CDK14: variants seen among roughly 807,000 people sequenced by gnomAD.
CDK14 encodes cyclin-dependent kinase 14.
Under a neutral mutation model 60.7 loss-of-function variants are expected in CDK14, and 34 were observed. The observed-to-expected ratio is 0.56, with a 90% CI of 0.43 to 0.75. The LOEUF (loss-of-function observed/expected upper bound fraction) is 0.75. CDK14 is among the 30% of genes least tolerant of loss of function. The probability of loss-of-function intolerance (pLI) is 0.00; values close to 1 mark genes in which losing one functional copy is unlikely to be tolerated. For synonymous variants in CDK14, 197 were observed against 203.7 expected (o/e 0.97, Z 0.28); for missense variants, 482 against 564.1 (o/e 0.85, Z 1.47).
At chr7:91,106,443 T>C (rs1012747264) in intron 12 of CDK14, among the ~76,000 whole-genome samples, 5 of 152,012 alleles carry the variant, frequency 3.3e-5, no homozygotes, top group African/African-American at 9.7e-5. Context: ...AAAAAAATAA[T>C]CTGGGAGGGA....
intron 10 of CDK14, among the ~76,000 whole-genome samples, chr7:91,029,990 C>G (rs1285473054): frequency 6.6e-6 from 1 of 152,146 alleles, no homozygotes; most frequent in African/African-American, 2.4e-5. Context: ...CTTGTGGCCC[C>G]AGAGAGTATG....
At chr7:90,957,874 T>A (rs951258384) in intron 9 of CDK14, among the ~76,000 whole-genome samples, 14 of 151,942 alleles carry the variant, frequency 9.2e-5, no homozygotes, top group African/African-American at 3.4e-4. Context: ...TATGGAACCA[T>A]AAAAGAGCCC....
intron 10 of CDK14, among the ~76,000 whole-genome samples, chr7:90,993,337 A>C (rs1224442825): frequency 6.6e-6 from 1 of 152,174 alleles, no homozygotes; most frequent in East Asian, 1.9e-4. Flanking sequence ...TTTACAATCA[A>C]TATTCATATA....
chr7:90,727,300 A>T (rs886674822), intron 3 of CDK14, among the ~76,000 whole-genome samples: 3 of 152,136 alleles, frequency 2.0e-5, no homozygotes, highest in Non-Finnish European at 4.4e-5. Flanking sequence ...GTTCTTTTCC[A>T]GGACAAAGCC....
intron 2 of CDK14, among the ~76,000 whole-genome samples, chr7:90,608,363 G>A (rs532100300): frequency 9.2e-4 from 140 of 152,238 alleles, no homozygotes; most frequent in Non-Finnish European, 1.8e-3. Flanking sequence ...AAATTACCAC[G>A]CGTAAAACCT....
chr7:90,760,121 C>T (rs1373822046), intron 4 of CDK14, among the ~76,000 whole-genome samples: 5 of 152,074 alleles, frequency 3.3e-5, no homozygotes, highest in Admixed American at 1.3e-4. Context: ...ATTAAACGAC[C>T]TTATAAATTG....
chr7:90,805,515 CT>C (rs1788790947), intron 5 of CDK14, among the ~76,000 whole-genome samples: 1 of 151,972 alleles, frequency 6.6e-6, no homozygotes, highest in African/African-American at 2.4e-5. Flanking sequence ...TACAATACCA[CT>C]TATAATCACT....
chr7:90,742,376 G>A (rs1803381904), intron 3 of CDK14, among the ~76,000 whole-genome samples: 1 of 151,934 alleles, frequency 6.6e-6, no homozygotes, highest in Admixed American at 6.5e-5. Flanking sequence ...TGTTCATAGT[G>A]TTCCAGGTTA....
chr7:90,864,017 T>A (rs1254399815), intron 6 of CDK14, among the ~76,000 whole-genome samples: 1 of 152,072 alleles, frequency 6.6e-6, no homozygotes, highest in Non-Finnish European at 1.5e-5. Context: ...ACAAATGACA[T>A]CGGTGCAGAC....
Position 90,670,106 on chromosome 7 carries a change from A to G in CDK14, c.124-56461A>G, listed in dbSNP as rs73216900. Among the ~76,000 whole-genome samples, 1,200 of 152,362 alleles carry G rather than the reference A, an allele frequency of 7.9e-3. 11 individuals are homozygous for G. The highest frequency in any genetic ancestry group is 0.012 in the Non-Finnish European group (800 of 68,036). ...GTTACACTCTACCATTGGTATGACTATACCATGGCACTTTTCTACTAGTTA... is the reference window on the plus strand; with the variant it reads ...GTTACACTCTACCATTGGTATGACTGTACCATGGCACTTTTCTACTAGTTA... On this transcript the variant is annotated intron_variant, in intron 2 of 14. Transcript: ENST00000380050.
rs1212453691 is a variant in CDK14 at position 90,957,077 on chromosome 7, G to A, written c.947+1260G>A. Reference sequence around the variant, plus strand: ...GTGAATAATGCCGCAATAAACATACGTGTGCATGTGTCTTTATAGCAGCAT... The same window carrying A: ...GTGAATAATGCCGCAATAAACATACATGTGCATGTGTCTTTATAGCAGCAT... On this transcript the variant is annotated intron_variant, in intron 9 of 14. Transcript: ENST00000380050. Among the ~76,000 whole-genome samples, 13 of 149,898 alleles carry A rather than the reference G, an allele frequency of 8.7e-5. No homozygotes were observed. In the South Asian group the frequency reaches 1.1e-3, roughly 13 times the overall value.
chr7:90,639,236 GTTT>G (rs1800250509), intron 2 of CDK14, among the ~76,000 whole-genome samples: 1 of 152,036 alleles, frequency 6.6e-6, no homozygotes, highest in Non-Finnish European at 1.5e-5. Context: ...TTTCTGCTCT[GTTT>G]TTTCCCCATC....
chr7:91,123,794 T>TA (rs1799857484), intron 14 of CDK14, among the ~76,000 whole-genome samples: 1 of 152,154 alleles, frequency 6.6e-6, no homozygotes. Flanking sequence ...CATGCAAGTG[T>TA]AGGCAGAGGA....
intron 10 of CDK14, among the ~76,000 whole-genome samples, chr7:91,041,828 T>G (rs1444341159): frequency 1.3e-5 from 2 of 152,226 alleles, no homozygotes. Flanking sequence ...ACCTGCAGTC[T>G]AGCCACAGTG....
intron 2 of CDK14, among the ~76,000 whole-genome samples, chr7:90,663,030 T>C (rs566373173): frequency 6.6e-6 from 1 of 152,132 alleles, no homozygotes; most frequent in East Asian, 1.9e-4. Context: ...TTTTTGTTGT[T>C]GTTGTTCCCT....
At chr7:91,037,016 CTT>C (rs1796952490) in intron 10 of CDK14, among the ~76,000 whole-genome samples, 1 of 152,220 alleles carries the variant, frequency 6.6e-6, no homozygotes, top group Non-Finnish European at 1.5e-5. Context: ...CTCCTAATCT[CTT>C]TTGACTTCTA....
chr7:90,762,331 C>T lies in CDK14; in HGVS notation c.464+14556C>T, dbSNP rs189766370. 5.9e-5 allele frequency among the ~76,000 whole-genome samples: 9 copies of T among 152,220 alleles called. No homozygotes were observed. In the East Asian group the frequency reaches 7.7e-4, roughly 13 times the overall value. On this transcript the variant is annotated intron_variant, in intron 4 of 14. Transcript: ENST00000380050. ...TGTACTGGGATCTGCTGGTGGGTCA[C>T]ATCTGAGTCCCTCCAGGGTTTGGCA...
intron 3 of CDK14, 122 bp from the exon 4 acceptor site, chr7:90,747,559 T>A (rs1425353082): frequency 3.2e-6 from 2 of 620,476 alleles, no homozygotes; most frequent in African/African-American, 3.9e-5. Context: ...TAAACATGTA[T>A]GCCAGAAAAA....
chr7:91,107,691 G>A (rs1332305817), intron 12 of CDK14: 2 of 152,216 alleles, frequency 1.3e-5, no homozygotes, highest in East Asian at 3.8e-4. Context: ...AAGTGAAATG[G>A]AAATGTTAGA....
Sources: allele counts gnomAD v4.1 joint callset (sites outside exome capture counted in the v4.1 genomes callset), GRCh38; gene constraint gnomAD v4.1.1; transcripts MANE v1.5; gene names NCBI Gene and HGNC (gene_info 2026-07-23, HGNC 2026-07-21).